Variants in RBMS3 observed in about 807,000 individuals in gnomAD.
RBMS3 encodes RNA binding motif single stranded interacting protein 3.
In RBMS3, 27 loss-of-function variants were observed where a neutral mutation model predicts 66.8. That is an observed-to-expected ratio of 0.40 (90% confidence interval 0.30 to 0.56). The LOEUF is 0.56. Ranked by LOEUF, RBMS3 falls within the 20% of genes least tolerant of loss-of-function variation. The pLI, the probability that RBMS3 is intolerant of heterozygous loss-of-function variation, is 0.40. For missense variants in RBMS3, 513 were observed against 549.5 expected, an observed-to-expected ratio of 0.93 and a Z score of 0.66; for synonymous variants, 188 against 183.0, an observed-to-expected ratio of 1.03 and a Z score of -0.22.
chr3:29,489,548 C>G (rs1347289830), intron 3 of RBMS3, among the ~76,000 whole-genome samples: 1 of 150,598 alleles, frequency 6.6e-6, no homozygotes, highest in Non-Finnish European at 1.5e-5. Flanking sequence ...ACTATATCAC[C>G]TTAATATATG....
chr3:29,987,594 T>C (rs927500603), intron 12 of RBMS3, among the ~76,000 whole-genome samples: 1 of 151,792 alleles, frequency 6.6e-6, no homozygotes, highest in Non-Finnish European at 1.5e-5. Flanking sequence ...TAATACTCCA[T>C]TTTTTTATAT....
intron 4 of RBMS3, among the ~76,000 whole-genome samples, chr3:29,603,282 T>C (rs2048208064): frequency 6.6e-6 from 1 of 152,134 alleles, no homozygotes; most frequent in South Asian, 2.1e-4. Context: ...TACAGCCAAC[T>C]GGATGTCAAT....
chr3:29,648,710 CA>C (rs969302100), intron 4 of RBMS3, among the ~76,000 whole-genome samples: 1 of 138,622 alleles, frequency 7.2e-6, no homozygotes, highest in Non-Finnish European at 1.6e-5. Flanking sequence ...TGTAGAATTA[CA>C]GTGTTTTTTT....
chr3:29,444,788 C>CTTTTTTTTTTTTTTTTGTTTTTTT (rs2041759168), intron 2 of RBMS3, among the ~76,000 whole-genome samples: 1 of 50,488 alleles, frequency 2.0e-5, no homozygotes, highest in African/African-American at 6.1e-5. Context: ...AAATATATGC[C>CTTTTTTTTTTTTTTTTGTTTTTTT]TTTTTTTTTT....
At chr3:29,955,231 G>A (rs939045381) in intron 12 of RBMS3, among the ~76,000 whole-genome samples, 1 of 151,930 alleles carries the variant, frequency 6.6e-6, no homozygotes, top group Non-Finnish European at 1.5e-5. Flanking sequence ...ACATCGAAGT[G>A]AAGGGGTATG....
At chr3:29,900,370 C>G (rs2060223456) in intron 10 of RBMS3, among the ~76,000 whole-genome samples, 1 of 151,664 alleles carries the variant, frequency 6.6e-6, no homozygotes, top group African/African-American at 2.4e-5. Flanking sequence ...TGGAAATTTT[C>G]TCTCTGCAAA....
intron 2 of RBMS3, among the ~76,000 whole-genome samples, chr3:29,458,250 G>A (rs1445757867): frequency 1.3e-5 from 2 of 152,172 alleles, no homozygotes; most frequent in East Asian, 1.9e-4. Context: ...ATGGGCTAGT[G>A]AAGATTTCTG....
intron 3 of RBMS3, among the ~76,000 whole-genome samples, chr3:29,550,316 G>C (rs990151418): frequency 6.6e-6 from 1 of 152,080 alleles, no homozygotes; most frequent in Non-Finnish European, 1.5e-5. Context: ...ATTTCATAGG[G>C]CTGCCAGATT....
At chr3:29,948,831 A>G (rs1329548336) in intron 12 of RBMS3, among the ~76,000 whole-genome samples, 1 of 151,794 alleles carries the variant, frequency 6.6e-6, no homozygotes, top group African/African-American at 2.4e-5. Flanking sequence ...TAATATTTAC[A>G]GAGTACCTAC....
At chr3:29,719,630 T>C (rs987732258) in intron 4 of RBMS3, among the ~76,000 whole-genome samples, 4 of 152,012 alleles carry the variant, frequency 2.6e-5, no homozygotes, top group African/African-American at 9.7e-5. Context: ...CAAAGTAGAG[T>C]TGTAGATTTC....
chr3:29,698,355 T>A lies in RBMS3; in HGVS notation c.400-41365T>A, dbSNP rs187712699. ...ATTGGAATAATAAAACCGGAGCAGT[T>A]TGTGTCTGAATGTGCTGTAAACCAG... is the stretch of plus-strand genomic sequence containing the variant. On this transcript the variant is annotated intron_variant, in intron 4 of 14. Transcript: ENST00000383767. The A allele has an allele frequency of 3.0e-4, 291 of 985,398 alleles. 1 individual carries two copies. In the African/African-American group the frequency reaches 4.7e-3, roughly 16 times the overall value. The allele number at this position is 985,398 out of a possible 1,614,324, so 61.0% of individuals were successfully genotyped here.
intron 4 of RBMS3, among the ~76,000 whole-genome samples, chr3:29,711,481 A>C (rs1267867838): frequency 6.6e-6 from 1 of 152,130 alleles, no homozygotes; most frequent in Non-Finnish European, 1.5e-5. Flanking sequence ...GACCTCCAAG[A>C]AACTTGGAGC....
In RBMS3 at chr3:29,755,771, G is replaced by A. The variant is rs538956315; in HGVS notation, c.558-7139G>A. ...AGATTTCTCTCTACTCTTGCCTTTT[G>A]AAGTTCTTTCTTTCAAGCTTCCATA... On this transcript the variant is annotated intron_variant, in intron 5 of 14. Coordinates refer to ENST00000383767, the MANE Select transcript of RBMS3 (RefSeq NM_001003793.3). Among the ~76,000 whole-genome samples, 98 of 152,250 alleles carry A rather than the reference G, an allele frequency of 6.4e-4. No homozygotes were observed. The Middle Eastern group carries it at 0.01, about 16-fold the overall frequency.
At chr3:29,860,240 G>A (rs1353722007) in intron 6 of RBMS3, among the ~76,000 whole-genome samples, 1 of 152,134 alleles carries the variant, frequency 6.6e-6, no homozygotes, top group East Asian at 1.9e-4. Flanking sequence ...TTGTTGCAAG[G>A]CTACCAGTTC....
intron 4 of RBMS3, among the ~76,000 whole-genome samples, chr3:29,649,351 G>A (rs372495887): frequency 1.3e-5 from 2 of 152,126 alleles, no homozygotes; most frequent in African/African-American, 4.8e-5. Flanking sequence ...CAAATGTCAC[G>A]TGAATTTATC....
At chr3:29,818,867 TC>T (rs1486716194) in intron 6 of RBMS3, among the ~76,000 whole-genome samples, 1 of 152,152 alleles carries the variant, frequency 6.6e-6, no homozygotes, top group Non-Finnish European at 1.5e-5. Context: ...AGTTATTATC[TC>T]CATGGTAGCT....
At chr3:29,853,521 C>A (rs1251397252) in intron 6 of RBMS3, among the ~76,000 whole-genome samples, 1 of 149,016 alleles carries the variant, frequency 6.7e-6, no homozygotes, top group Non-Finnish European at 1.5e-5. Flanking sequence ...TAGCCGTTGC[C>A]AGCTGGAATG....
At chr3:29,528,354 C>G (rs1312632625) in intron 3 of RBMS3, among the ~76,000 whole-genome samples, 1 of 152,024 alleles carries the variant, frequency 6.6e-6, no homozygotes. Context: ...CTCAAGTGAT[C>G]TGCCTGCCTT....
intron 3 of RBMS3, among the ~76,000 whole-genome samples, chr3:29,518,360 G>C (rs9834491): frequency 0.024 from 3,674 of 152,238 alleles, 146 homozygotes; most frequent in African/African-American, 0.083. Context: ...ATGGCATTGG[G>C]TACAAAACTA....
Sources: gnomAD v4.1 joint callset for allele counts (sites outside exome capture counted in the v4.1 genomes callset) on GRCh38, gnomAD v4.1.1 for gene constraint, MANE v1.5 for transcripts, NCBI Gene and HGNC (gene_info 2026-07-23, HGNC 2026-07-21) for gene names.